The following KNL1 variants were observed in gnomAD, a reference collection of about 807,000 sequenced individuals.
KNL1 encodes outer kinetochore KNL1 complex subunit KNL1.
Under a neutral mutation model 201.3 loss-of-function variants are expected in KNL1, and 66 were observed. That is an observed-to-expected ratio of 0.33 (90% CI 0.27 to 0.40). The LOEUF is 0.40. Ranked by LOEUF, KNL1 falls within the 10% of genes least tolerant of loss-of-function variation. KNL1 has a pLI of 1.00. For missense variants in KNL1, 2,815 were observed against 2,690.5 expected (o/e 1.05, Z -1.02); for synonymous variants, 895 against 899.2 (o/e 1.00, Z 0.08).
At chr15:40,625,787 A>G in intron 10 of KNL1, 147 bp downstream of exon 10, 1 of 602,350 alleles carries the variant, frequency 1.7e-6, no homozygotes. Flanking sequence ...AAATATTCTT[A>G]TGTAGAACCT....
chr15:40,611,716 T>G, intron 7 of KNL1, among the ~76,000 whole-genome samples: 1 of 151,932 alleles, frequency 6.6e-6, no homozygotes, highest in South Asian at 2.1e-4. Flanking sequence ...ATATAAACCT[T>G]TATATTTATT....
chr15:40,606,268 GAATT>G, intron 3 of KNL1, 121 bp from the exon 4 acceptor site: 1 of 617,572 alleles, frequency 1.6e-6, no homozygotes. Flanking sequence ...TGAGCAGAAT[GAATT>G]TGAGGAGTTT....
chr15:40,652,871 C>G (rs962647512), intron 21 of KNL1, among the ~76,000 whole-genome samples: 5 of 151,926 alleles, frequency 3.3e-5, no homozygotes, highest in African/African-American at 1.2e-4. Context: ...GTGGAAATCA[C>G]TATATGGTAA....
At chr15:40,630,088 G>A (rs2141733036) in intron 13 of KNL1, among the ~76,000 whole-genome samples, 1 of 152,236 alleles carries the variant, frequency 6.6e-6, no homozygotes. Flanking sequence ...CTACTCAAGA[G>A]GCTGAGGTGG....
chr15:40,631,336 CA>C (rs1398296911), intron 13 of KNL1, among the ~76,000 whole-genome samples: 2 of 151,696 alleles, frequency 1.3e-5, no homozygotes, highest in African/African-American at 4.8e-5. Context: ...ACTCCTAGAT[CA>C]AAGAAGTCGA....
At chr15:40,630,476 A>G (rs1434520176) in intron 13 of KNL1, among the ~76,000 whole-genome samples, 3 of 152,242 alleles carry the variant, frequency 2.0e-5, no homozygotes, top group Non-Finnish European at 2.9e-5. Flanking sequence ...CCCTGGGGTT[A>G]GGAACTGGGC....
chr15:40,642,552 G>C (rs1283730820), intron 14 of KNL1, among the ~76,000 whole-genome samples: 1 of 152,152 alleles, frequency 6.6e-6, no homozygotes, highest in East Asian at 1.9e-4. Context: ...GAACAAAACT[G>C]GCAAATTTTG....
chr15:40,620,602 C>A, intron 9 of KNL1, 38 bp from the exon 10 acceptor site: 3 of 1,370,648 alleles, frequency 2.2e-6, no homozygotes, highest in South Asian at 1.6e-5. Context: ...TAAAAGTTTG[C>A]TTTTGTTCTG....
At chr15:40,660,552 G>C (rs572860686) in intron 25 of KNL1, among the ~76,000 whole-genome samples, 112 of 150,940 alleles carry the variant, frequency 7.4e-4, no homozygotes, top group South Asian at 3.1e-3. Flanking sequence ...TGTAATCCCA[G>C]CTACTGGGGA....
chr15:40,658,949 G>T (rs1893823220), intron 24 of KNL1, among the ~76,000 whole-genome samples: 1 of 124,436 alleles, frequency 8.0e-6, no homozygotes, highest in Non-Finnish European at 1.8e-5. Context: ...AAAAGAAAAA[G>T]AAAAGAAATA....
At chr15:40,646,669 A>G in intron 16 of KNL1, 1 of 167,160 alleles carries the variant, frequency 6.0e-6, no homozygotes, top group South Asian at 1.5e-4. Flanking sequence ...CATCCTGGCT[A>G]ACACGGTGAA....
At chr15:40,610,210 T>A in intron 5 of KNL1, 35 bp from the exon 6 acceptor site, 1 of 1,110,960 alleles carries the variant, frequency 9.0e-7, no homozygotes, top group Non-Finnish European at 1.4e-6. Context: ...GATTACAAAT[T>A]GCAGGTTTTC....
In KNL1 at chr15:40,647,074, GGTAAA is replaced by G. The variant is rs587780294; in HGVS notation, c.6094+4_6094+8del. 328 of 1,412,864 alleles carry G rather than the reference GGTAAA, an allele frequency of 2.3e-4. No homozygotes were observed. Among genetic ancestry groups the G allele is most frequent in the Non-Finnish European group, 2.5e-4 (245 of 999,150 alleles). 87.5% of individuals were successfully genotyped at this position (1,412,864 alleles called of 1,614,324 possible). A position where few individuals can be genotyped will look rare whatever the true frequency, so the allele number is the denominator to read the frequency against. On this transcript the variant is annotated splice_donor_variant and splice_donor_5th_base_variant and intron_variant, in intron 17 of 25. Transcript: ENST00000399668. LOFTEE classifies it high-confidence loss of function. ...TAACTGCCTCACTGAGATGGAAACA[GGTAAA>G]GTATTTTAAATACTTTTCCAAAAGA...
intron 15 of KNL1, among the ~76,000 whole-genome samples, 156 bp from the exon 16 acceptor site, chr15:40,645,498 CTG>C (rs1165711202): frequency 1.3e-5 from 2 of 152,142 alleles, no homozygotes; most frequent in African/African-American, 4.8e-5. Flanking sequence ...GGAATCAAAA[CTG>C]AAATCTTTTT....
At chr15:40,644,502 C>T (rs959361767) in intron 14 of KNL1, among the ~76,000 whole-genome samples, 8 of 152,200 alleles carry the variant, frequency 5.3e-5, no homozygotes, top group Non-Finnish European at 1.2e-4. Flanking sequence ...TTTACTAATC[C>T]ACCTCAGCAC....
At chr15:40,597,874 A>C (rs1053313795) in intron 1 of KNL1, among the ~76,000 whole-genome samples, 1 of 152,178 alleles carries the variant, frequency 6.6e-6, no homozygotes, top group Non-Finnish European at 1.5e-5. Context: ...ATGTGCACTG[A>C]ATTTGAAAAT....
At chr15:40,609,028 G>T in intron 5 of KNL1, 120 bp downstream of exon 5, 1 of 644,610 alleles carries the variant, frequency 1.6e-6, no homozygotes, top group Admixed American at 2.7e-5. Context: ...ATTCTTCAAA[G>T]GGTTATTCAG....
At chr15:40,599,881 G>A (rs977523588) in intron 1 of KNL1, among the ~76,000 whole-genome samples, 1 of 144,074 alleles carries the variant, frequency 6.9e-6, no homozygotes, top group Admixed American at 7.2e-5. Flanking sequence ...TGCAATCATA[G>A]TACACTGCAG....
chr15:40,611,902 G>C (rs1190428924), intron 7 of KNL1, among the ~76,000 whole-genome samples: 3 of 152,114 alleles, frequency 2.0e-5, no homozygotes, highest in Non-Finnish European at 4.4e-5. Flanking sequence ...ATTTTTGGCT[G>C]GACGTGGTGG....
Sources: gnomAD v4.1 joint callset for allele counts (sites outside exome capture counted in the v4.1 genomes callset) on GRCh38, gnomAD v4.1.1 for gene constraint, MANE v1.5 for transcripts, NCBI Gene and HGNC (gene_info 2026-07-23, HGNC 2026-07-21) for gene names.